The following CACNB4 variants were observed in gnomAD, a reference collection of about 807,000 sequenced individuals.
CACNB4 encodes the protein voltage-dependent L-type calcium channel subunit beta-4.
Under a neutral mutation model 71.2 loss-of-function variants are expected in CACNB4, and 32 were observed. The observed-to-expected ratio is 0.45, with a 90% CI of 0.34 to 0.60. CACNB4 has a LOEUF of 0.60. Ranked by LOEUF, CACNB4 falls within the 20% of genes least tolerant of loss-of-function variation. The pLI, the probability that CACNB4 is intolerant of heterozygous loss-of-function variation, is 0.01. For missense variants in CACNB4, 464 were observed against 647.9 expected, an observed-to-expected ratio of 0.72 and a Z score of 3.08; for synonymous variants, 231 against 236.9, an observed-to-expected ratio of 0.97 and a Z score of 0.23.
At chr2:151,866,480 G>C (rs2099843140) in intron 9 of CACNB4, 1 of 152,200 alleles carries the variant, frequency 6.6e-6, no homozygotes, top group South Asian at 2.1e-4. Context: ...CTCTTGGCTG[G>C]TTTCAATTAA....
chr2:151,988,687 C>A (rs1332414849), intron 2 of CACNB4, among the ~76,000 whole-genome samples: 1 of 152,132 alleles, frequency 6.6e-6, no homozygotes, highest in Non-Finnish European at 1.5e-5. Context: ...CTGCCATATC[C>A]TTGAGTGGTA....
At chr2:151,882,131 G>A (rs968643117) in intron 3 of CACNB4, among the ~76,000 whole-genome samples, 4 of 147,076 alleles carry the variant, frequency 2.7e-5, no homozygotes, top group East Asian at 2.0e-4. Flanking sequence ...TGCCCGCCTC[G>A]GCCTCCCAAA....
rs528257508 is a variant in CACNB4, at chr2:152,097,517, A to G, written c.147+813T>C. Among the ~76,000 whole-genome samples, 52 of 152,284 alleles carry G rather than the reference A, an allele frequency of 3.4e-4. 1 individual carries two copies. In the South Asian group the frequency reaches 0.01, roughly 30 times the overall value. ...AGGTGACTCATTGCATGATCTCTCT[A>G]GCACCCAGCAGCCAGGGGTGGTTTC... On this transcript the variant is annotated intron_variant, in intron 2 of 13. Transcript: ENST00000539935.
At chr2:151,953,481 C>A (rs2099867446) in intron 2 of CACNB4, among the ~76,000 whole-genome samples, 1 of 152,174 alleles carries the variant, frequency 6.6e-6, no homozygotes, top group Non-Finnish European at 1.5e-5. Flanking sequence ...GCTGTATGAC[C>A]CTGGACGAAT....
At chr2:151,844,925 T>A (rs1332274906) in intron 12 of CACNB4, among the ~76,000 whole-genome samples, 1 of 152,198 alleles carries the variant, frequency 6.6e-6, no homozygotes, top group Non-Finnish European at 1.5e-5. Context: ...GTTTGATTAG[T>A]CTCAACAAAT....
chr2:152,056,570 C>A (rs1375495031), intron 2 of CACNB4, among the ~76,000 whole-genome samples: 2 of 152,136 alleles, frequency 1.3e-5, no homozygotes, highest in African/African-American at 4.8e-5. Context: ...CCTAGACATG[C>A]CACCCCCTAG....
At chr2:151,910,175 T>C (rs1446448753) in intron 2 of CACNB4, among the ~76,000 whole-genome samples, 2 of 152,220 alleles carry the variant, frequency 1.3e-5, no homozygotes, top group South Asian at 2.1e-4. Flanking sequence ...GCCGCATAAA[T>C]GTCCTTTTGA....
intron 2 of CACNB4, among the ~76,000 whole-genome samples, chr2:151,998,253 A>T (rs1397921178): frequency 7.1e-6 from 1 of 140,540 alleles, no homozygotes; most frequent in Non-Finnish European, 1.5e-5. Flanking sequence ...TGAACTCAGG[A>T]GGCGTAGGTT....
intron 12 of CACNB4, chr2:151,850,204 G>T (rs1447794499): frequency 2.8e-5 from 4 of 140,712 alleles, no homozygotes; most frequent in African/African-American, 1.1e-4. Context: ...GAGTGCAGTG[G>T]CATGGTCTCA....
chr2:151,979,883 G>A (rs544887898), intron 2 of CACNB4, among the ~76,000 whole-genome samples: 11 of 152,256 alleles, frequency 7.2e-5, no homozygotes, highest in African/African-American at 2.6e-4. Context: ...CAGCAGGAGT[G>A]GGAGGCAGGA....
At chr2:151,962,827 A>G (rs971335975) in intron 2 of CACNB4, 4 of 152,242 alleles carry the variant, frequency 2.6e-5, no homozygotes, top group African/African-American at 9.6e-5. Context: ...CTGGTCTACA[A>G]GTAGATAAAG....
At chr2:151,899,886 A>G (rs908113066) in intron 2 of CACNB4, among the ~76,000 whole-genome samples, 3 of 152,256 alleles carry the variant, frequency 2.0e-5, no homozygotes, top group African/African-American at 7.2e-5. Context: ...AAGGGCTTAT[A>G]ACCTAATAGG....
At chr2:151,867,296 G>A (rs1336337487) in intron 9 of CACNB4, 3 of 152,210 alleles carry the variant, frequency 2.0e-5, no homozygotes, top group African/African-American at 7.2e-5. Flanking sequence ...CCTGCATGAG[G>A]GTTAGGGTTA....
At chr2:151,876,905 G>A (rs1393872952) in intron 4 of CACNB4, among the ~76,000 whole-genome samples, 1 of 113,514 alleles carries the variant, frequency 8.8e-6, no homozygotes, top group South Asian at 2.8e-4. Context: ...AAACTATATT[G>A]TATATGTATA....
chr2:151,918,647 A>G (rs1301539728), intron 2 of CACNB4, among the ~76,000 whole-genome samples: 1 of 152,208 alleles, frequency 6.6e-6, no homozygotes. Context: ...GCTATGGTGC[A>G]TACAGATATC....
In CACNB4 at chr2:152,098,631, A is replaced by C. The variant is rs2105504755; in HGVS notation, c.64-218T>G. 1 of 1,391,448 alleles carries C rather than the reference A, an allele frequency of 7.2e-7. No homozygotes were observed. Among genetic ancestry groups the C allele is most frequent in the Middle Eastern group, 2.0e-4 (1 of 5,116 alleles). 86.2% of individuals were successfully genotyped at this position (1,391,448 alleles called of 1,614,324 possible). ...AAGATGCTCGAGAAGAGCAGCCCGC[A>C]AGCACCCACCACATCCATTAACAAA... On this transcript the variant is annotated intron_variant, in intron 1 of 13. Transcript: ENST00000539935. The surrounding 1 kb of genome is among the most constrained non-coding windows in gnomAD (Gnocchi z 5.3).
chr2:151,963,970 G>A (rs2099870316), intron 2 of CACNB4, among the ~76,000 whole-genome samples: 1 of 151,250 alleles, frequency 6.6e-6, no homozygotes, highest in South Asian at 2.1e-4. Flanking sequence ...TCAGGAGGCT[G>A]AGGCAGGAGA....
intron 2 of CACNB4, among the ~76,000 whole-genome samples, chr2:151,888,621 G>A (rs1229791471): frequency 6.6e-6 from 1 of 152,144 alleles, no homozygotes; most frequent in Non-Finnish European, 1.5e-5. Flanking sequence ...TCTTTCCACT[G>A]TTGGAAGTGC....
At chr2:151,979,964 C>CA (rs2099874431) in intron 2 of CACNB4, among the ~76,000 whole-genome samples, 1 of 152,206 alleles carries the variant, frequency 6.6e-6, no homozygotes, top group South Asian at 2.1e-4. Context: ...ACTTACTACT[C>CA]AGCCTTGCGC....
Sources: allele counts gnomAD v4.1 joint callset (sites outside exome capture counted in the v4.1 genomes callset), GRCh38; gene constraint gnomAD v4.1.1; non-coding constraint Gnocchi (gnomAD v3.1); transcripts MANE v1.5; gene names NCBI Gene and HGNC (gene_info 2026-07-23, HGNC 2026-07-21).